Variants in OR7C1 observed in about 807,000 individuals in gnomAD.
OR7C1 encodes the protein olfactory receptor 7C1.
For missense variants in OR7C1, 324 were observed against 383.3 expected (o/e 0.85, Z 1.29); for synonymous variants, 152 against 160.7 (o/e 0.95, Z 0.41).
exon 4 of OR7C1, chr19:14,800,356 TACC>T: frequency 1.8e-6 from 1 of 541,136 alleles, no homozygotes. Flanking sequence ...ATAATACTTG[TACC>T]CTCTATAGCC....
At chr19:14,810,382 T>TTG (rs35779180) in intron 1 of OR7C1, among the ~76,000 whole-genome samples, 24,606 of 150,272 alleles carry the variant, frequency 0.16, 2,160 homozygotes, top group Non-Finnish European at 0.18. Context: ...GTTTTTTTTT[T>TTG]TTGTTTTTTG....
intron 1 of OR7C1, among the ~76,000 whole-genome samples, chr19:14,814,284 A>G (rs1285235948): frequency 6.6e-6 from 1 of 152,244 alleles, no homozygotes; most frequent in Non-Finnish European, 1.5e-5. Flanking sequence ...TCCATCTGAT[A>G]AGGGATTCAT....
chr19:14,823,683 T>A (rs1194327619), intron 1 of OR7C1, among the ~76,000 whole-genome samples: 1 of 152,214 alleles, frequency 6.6e-6, no homozygotes, highest in Non-Finnish European at 1.5e-5. Context: ...GTCCACATTA[T>A]TTAGCTCCCA....
chr19:14,799,773 G>T (rs766648649), exon 5 of OR7C1: 1 of 1,613,672 alleles, frequency 6.2e-7, no homozygotes, highest in South Asian at 1.1e-5. Flanking sequence ...GCCACGAAGC[G>T]GTCATAGGCC....
exon 5 of OR7C1, chr19:14,799,711 T>C: frequency 6.2e-7 from 1 of 1,613,844 alleles, no homozygotes; most frequent in Non-Finnish European, 8.5e-7. Context: ...GAACCAGCAG[T>C]CCACAGAGCT....
intron 1 of OR7C1, among the ~76,000 whole-genome samples, chr19:14,820,439 C>T (rs193280181): frequency 6.6e-6 from 1 of 152,018 alleles, no homozygotes; most frequent in East Asian, 1.9e-4. Flanking sequence ...AGGACAAATA[C>T]CTAATGCATG....
At chr19:14,811,310 G>A (rs924394942) in intron 1 of OR7C1, among the ~76,000 whole-genome samples, 2 of 151,940 alleles carry the variant, frequency 1.3e-5, no homozygotes, top group Admixed American at 1.3e-4. Flanking sequence ...TCTGTTCCTC[G>A]GCTTTTCCAT....
At chr19:14,830,839 C>A (rs1008071835) in intron 1 of OR7C1, among the ~76,000 whole-genome samples, 4 of 152,160 alleles carry the variant, frequency 2.6e-5, no homozygotes, top group Non-Finnish European at 5.9e-5. Context: ...ACACAACCCT[C>A]GTGTGCCAAT....
chr19:14,805,031 C>G (rs941136414), intron 2 of OR7C1, among the ~76,000 whole-genome samples: 1 of 151,774 alleles, frequency 6.6e-6, no homozygotes, highest in Admixed American at 6.6e-5. Flanking sequence ...ACCGTCACAC[C>G]CAGAAGCTAG....
intron 1 of OR7C1, among the ~76,000 whole-genome samples, chr19:14,820,322 T>C (rs1182926911): frequency 6.6e-6 from 1 of 151,346 alleles, no homozygotes; most frequent in African/African-American, 2.4e-5. Context: ...TAATAAGTTC[T>C]TAATTTAAAA....
chr19:14,827,240 G>T, intron 1 of OR7C1: 1 of 1,490,288 alleles, frequency 6.7e-7, no homozygotes, highest in East Asian at 2.3e-5. Flanking sequence ...CTATCTGATT[G>T]AAGAATGACA....
At chr19:14,802,983 G>A (rs961546279) in intron 2 of OR7C1, among the ~76,000 whole-genome samples, 15 of 152,104 alleles carry the variant, frequency 9.9e-5, no homozygotes, top group African/African-American at 3.6e-4. Flanking sequence ...ACTGGCTTGA[G>A]GAGGCAGTGT....
intron 1 of OR7C1, chr19:14,827,394 G>A: frequency 1.2e-6 from 2 of 1,613,980 alleles, no homozygotes; most frequent in Non-Finnish European, 1.7e-6. Context: ...GTTCAGCATG[G>A]GGGTGACCAC....
At chr19:14,800,333 T>C (rs2044635464) in exon 4 of OR7C1, 2 of 615,346 alleles carry the variant, frequency 3.3e-6, no homozygotes, top group African/African-American at 3.7e-5. Flanking sequence ...TCTGGAAATG[T>C]AGTGTTAGTT....
intron 1 of OR7C1, chr19:14,827,643 T>C (rs1258901261): frequency 3.7e-6 from 6 of 1,614,160 alleles, no homozygotes; most frequent in Non-Finnish European, 2.5e-6. Flanking sequence ...AACTGTAAAA[T>C]ATATCACCAT....
At chr19:14,829,308 A>T (rs1234371645) in intron 1 of OR7C1, among the ~76,000 whole-genome samples, 1 of 152,200 alleles carries the variant, frequency 6.6e-6, no homozygotes, top group Non-Finnish European at 1.5e-5. Context: ...GGTTCAAGCG[A>T]TTCTCCTGCC....
At position 14,799,275 on chromosome 19, in the gene OR7C1, AG is replaced by A; in HGVS notation, c.861del (p.Phe288SerfsTer5). 1 of 1,614,118 alleles carries A rather than the reference AG, an allele frequency of 6.2e-7. No homozygotes were observed. Among genetic ancestry groups the A allele is most frequent in the South Asian group, 1.1e-5 (1 of 91,080 alleles). On this transcript the variant is annotated frameshift_variant, in exon 5 of 5. Transcript: ENST00000641666. LOFTEE classifies it low-confidence loss of function (END_TRUNC). ...TCCGTGTTCCTCAGGCTGTAGATGA[AG>A]GGGTTCAGCATGGGGGTGACCATGG...
intron 1 of OR7C1, among the ~76,000 whole-genome samples, chr19:14,823,316 G>A (rs1168072530): frequency 1.3e-5 from 2 of 152,120 alleles, no homozygotes; most frequent in Non-Finnish European, 2.9e-5. Flanking sequence ...GGTGGGCGTG[G>A]TGGCATGTGC....
intron 1 of OR7C1, among the ~76,000 whole-genome samples, chr19:14,820,979 C>T (rs556758525): frequency 6.6e-6 from 1 of 152,266 alleles, no homozygotes; most frequent in East Asian, 1.9e-4. Flanking sequence ...GTGGGCCGGG[C>T]ATGGTGGCTC....
Sources: allele counts gnomAD v4.1 joint callset (sites outside exome capture counted in the v4.1 genomes callset), GRCh38; gene constraint gnomAD v4.1.1; transcripts MANE v1.5; gene names NCBI Gene and HGNC (gene_info 2026-07-23, HGNC 2026-07-21).